Variants in ADH6 observed in about 807,000 individuals in gnomAD.
The protein encoded by ADH6 is alcohol dehydrogenase 6.
Under a neutral mutation model 36.5 loss-of-function variants are expected in ADH6, and 34 were observed. The ratio of observed to expected loss-of-function variants is 0.93; its 90% CI spans 0.71 to 1.24. ADH6 has a LOEUF of 1.24. Among genes scored for constraint, ADH6 ranks in the 50% most tolerant of loss-of-function variants. The pLI, the probability that ADH6 is intolerant of heterozygous loss-of-function variation, is 0.00. For synonymous variants in ADH6, 161 were observed against 155.5 expected (o/e 1.04, Z -0.26); for missense variants, 440 against 447.0 (o/e 0.98, Z 0.14).
At position 99,210,462 on chromosome 4, in the gene ADH6, T is replaced by C; in HGVS notation, c.303A>G (p.Glu101=). 3 of 1,612,278 alleles carry C rather than the reference T, an allele frequency of 1.9e-6. No individual in the cohort carries two copies. Among genetic ancestry groups the C allele is most frequent in the Admixed American group, 3.3e-5 (2 of 59,986 alleles). ...VITLFLPQCG[E]CTSCLNSEGN... ...CCTCAGAATTCAGGCAAGAGGTACATTCTCCACACTGTGGCAGAAAGAGTG... is the reference window on the plus strand; with the variant it reads ...CCTCAGAATTCAGGCAAGAGGTACACTCTCCACACTGTGGCAGAAAGAGTG... Residue 101 remains glutamate (E), a synonymous_variant, in exon 4 of 9, where the codon GAA becomes GAG. Coordinates refer to ENST00000394899, the MANE Select transcript of ADH6 (RefSeq NM_001102470.2).
rs1165853070 is a variant in ADH6 at position 99,210,236 on chromosome 4, A to G, written c.413T>C (p.Ile138Thr). The change falls in exon 5 of 9, where the codon ATA becomes ACA. Residue 138 changes from isoleucine to threonine, a missense_variant. Physicochemically the swap from Ile to Thr is moderately conservative, Grantham distance 89 (BLOSUM62 -1). Coordinates refer to ENST00000394899, the MANE Select transcript of ADH6 (RefSeq NM_001102470.2). The stretch of plus-strand genomic sequence containing the variant: ...GGTGCTGGTATTACCAAAGTGATAT[A>G]TTGATTTTCCCTTGCAGGTAAACCT... ...TSRFTCKGKS[I>T]YHFGNTSTFC... 1 of 1,613,788 alleles carries G rather than the reference A, an allele frequency of 6.2e-7. No individual in the cohort carries two copies. Among genetic ancestry groups the G allele is most frequent in the Non-Finnish European group, 8.5e-7 (1 of 1,179,850 alleles).
intron 5 of ADH6, among the ~76,000 whole-genome samples, chr4:99,209,833 G>C (rs541459844): frequency 6.6e-6 from 1 of 152,266 alleles, no homozygotes; most frequent in Admixed American, 6.5e-5. Flanking sequence ...TTAATTTCCA[G>C]TAATTCCTGA....
rs745595865 is a variant in ADH6, at chr4:99,210,294, A to C, written c.355T>G (p.Ser119Ala). ...EGNFCIQFKQ[S>A]KTQLMSDGTS... ...CCATCAGACATCAGTTGGGTTTTTG[A>C]CTGTCTTTTATAGACAAAACAAAAA... is the stretch of plus-strand genomic sequence containing the variant. Residue 119 changes from serine (S) to alanine (A), a missense_variant, in exon 5 of 9, where the codon TCA becomes GCA. Physicochemically the swap from Ser to Ala is moderately conservative, Grantham distance 99. Coordinates refer to ENST00000394899, the MANE Select transcript of ADH6 (RefSeq NM_001102470.2). 1 of 1,613,458 alleles carries C rather than the reference A, an allele frequency of 6.2e-7. No homozygotes were observed. Among genetic ancestry groups the C allele is most frequent in the South Asian group, 1.1e-5 (1 of 91,076 alleles).
chr4:99,217,896 A>T (rs985099835), intron 1 of ADH6, among the ~76,000 whole-genome samples: 1 of 152,218 alleles, frequency 6.6e-6, no homozygotes, highest in Admixed American at 6.5e-5. Flanking sequence ...CAACGAATGG[A>T]GGCAATCATC....
intron 7 of ADH6, 139 bp downstream of exon 7, chr4:99,207,307 G>T: frequency 9.6e-7 from 1 of 1,044,466 alleles, no homozygotes; most frequent in Non-Finnish European, 1.4e-6. Flanking sequence ...CCTTTATATT[G>T]GGTATTCATA....
intron 1 of ADH6, 112 bp downstream of exon 1, chr4:99,219,023 C>T (rs1731546130): frequency 9.9e-7 from 1 of 1,008,420 alleles, no homozygotes; most frequent in Non-Finnish European, 1.5e-6. Context: ...ATTATGACAG[C>T]CTCTCACCTT....
At chr4:99,215,325 AT>A (rs1475192649) in intron 2 of ADH6, among the ~76,000 whole-genome samples, 1 of 152,240 alleles carries the variant, frequency 6.6e-6, no homozygotes, top group Non-Finnish European at 1.5e-5. Context: ...CTTATTCTTT[AT>A]TGTTATAATT....
chr4:99,216,718 A>G (rs940740503), intron 1 of ADH6, among the ~76,000 whole-genome samples: 2 of 151,776 alleles, frequency 1.3e-5, no homozygotes, highest in African/African-American at 2.4e-5. Context: ...GGTGGCCTGC[A>G]CCTGTAATCC....
chr4:99,215,529 A>G (rs1731376385), intron 2 of ADH6, among the ~76,000 whole-genome samples: 1 of 152,206 alleles, frequency 6.6e-6, no homozygotes, highest in Non-Finnish European at 1.5e-5. Flanking sequence ...CTTCCAGCTG[A>G]TTCCAAATAG....
At chr4:99,212,543 G>C (rs994236518) in intron 3 of ADH6, among the ~76,000 whole-genome samples, 1 of 152,042 alleles carries the variant, frequency 6.6e-6, no homozygotes, top group African/African-American at 2.4e-5. Context: ...ATTATCAACT[G>C]TGATCACCAT....
intron 5 of ADH6, among the ~76,000 whole-genome samples, chr4:99,209,175 C>T (rs912187281): frequency 2.0e-5 from 3 of 152,142 alleles, no homozygotes; most frequent in African/African-American, 7.2e-5. Context: ...AGGAATTAGT[C>T]TGAGTAGTAG....
At chr4:99,213,836 G>A in intron 2 of ADH6, 89 bp from the exon 3 acceptor site, 1 of 1,198,508 alleles carries the variant, frequency 8.3e-7, no homozygotes, top group Non-Finnish European at 1.1e-6. Context: ...TTGCTAGTTT[G>A]ATATTCTCCA....
chr4:99,214,266 C>T (rs1416241602), intron 2 of ADH6, among the ~76,000 whole-genome samples: 1 of 152,042 alleles, frequency 6.6e-6, no homozygotes, highest in Non-Finnish European at 1.5e-5. Flanking sequence ...GTTGCATGCA[C>T]CTGTAGTCCA....
intron 1 of ADH6, among the ~76,000 whole-genome samples, chr4:99,218,213 C>G (rs1369200079): frequency 6.6e-6 from 1 of 152,150 alleles, no homozygotes; most frequent in Non-Finnish European, 1.5e-5. Flanking sequence ...CCACCACGCT[C>G]TAGTGGACAA....
rs1314521457 is a variant in ADH6 at position 99,216,101 on chromosome 4, C to T, written c.120+60G>A. ...TATCCGGATAAGAATATGTAACTTA[C>T]AGTAAGAAGCTCTGGCTTTTGGCTT... On this transcript the variant is annotated intron_variant, in intron 2 of 8. Coordinates refer to ENST00000394899, the MANE Select transcript of ADH6 (RefSeq NM_001102470.2). 7.8e-6 allele frequency: 7 copies of T among 902,258 alleles called. No homozygotes were observed. In the Admixed American group the frequency reaches 8.4e-5, roughly 11 times the overall value. The allele number at this position is 902,258 out of a possible 1,614,324, so 55.9% of individuals were successfully genotyped here.
rs1164533438 is a variant in ADH6, at chr4:99,210,296, T to C, written c.353A>G (p.Gln118Arg). Reference sequence around the variant, plus strand: ...ATCAGACATCAGTTGGGTTTTTGACTGTCTTTTATAGACAAAACAAAAAAC... The same window carrying C: ...ATCAGACATCAGTTGGGTTTTTGACCGTCTTTTATAGACAAAACAAAAAAC... The part of the protein sequence containing the change: ...SEGNFCIQFK[Q>R]SKTQLMSDGT... Residue 118 changes from glutamine to arginine, a missense_variant and splice_region_variant, in exon 5 of 9, where the codon CAG (glutamine) becomes CGG (arginine). Transcript: ENST00000394899. The C allele has an allele frequency of 6.2e-7, 1 of 1,612,916 alleles. No individual in the cohort carries two copies. Among genetic ancestry groups the C allele is most frequent in the Non-Finnish European group, 8.5e-7 (1 of 1,179,056 alleles).
rs1008077066 is a variant in ADH6, at chr4:99,202,691, A to G, written c.*1528T>C. ...GCAAAGAGTGTGGACACTGTTTACA[A>G]CAAAACGTTTCCGGGAAAACTTGGA... On this transcript the variant is annotated 3_prime_UTR_variant, in exon 9 of 9. Coordinates refer to ENST00000394899, the MANE Select transcript of ADH6 (RefSeq NM_001102470.2). 2.0e-5 allele frequency: 8 copies of G among 397,962 alleles called. No homozygotes were observed. Among genetic ancestry groups the G allele is most frequent in the African/African-American group, 1.4e-4 (7 of 48,610 alleles). 24.7% of individuals were successfully genotyped at this position (397,962 alleles called of 1,614,324 possible).
At chr4:99,217,137 G>C (rs1397688265) in intron 1 of ADH6, among the ~76,000 whole-genome samples, 2 of 152,138 alleles carry the variant, frequency 1.3e-5, no homozygotes, top group Non-Finnish European at 1.5e-5. Flanking sequence ...CCGGGTTCAT[G>C]CCATTCTCCT....
In ADH6 at chr4:99,210,027, C is replaced by T. The variant is rs1731166938; in HGVS notation, c.567+55G>A. On this transcript the variant is annotated intron_variant, in intron 5 of 8. Transcript: ENST00000394899. ...AAGAGATGACAAAGATGCAAGAGGC[C>T]TTTCAACTCCATATCCCAATAATTC... The T allele has an allele frequency of 3.8e-6, 6 of 1,567,344 alleles. No homozygotes were observed. The Middle Eastern group carries it at 6.7e-4, about 176-fold the overall frequency.
Sources: allele counts gnomAD v4.1 joint callset (sites outside exome capture counted in the v4.1 genomes callset), GRCh38; gene constraint gnomAD v4.1.1; transcripts MANE v1.5; gene names NCBI Gene and HGNC (gene_info 2026-07-23, HGNC 2026-07-21).